The following HPSE2 variants were observed in gnomAD, a reference collection of about 807,000 sequenced individuals.
HPSE2 encodes heparanase 2 (inactive).
In HPSE2, 38 loss-of-function variants were observed where a neutral mutation model predicts 60.5. That is an observed-to-expected ratio of 0.63 (90% CI 0.48 to 0.82). HPSE2 has a LOEUF of 0.82. Among genes scored for constraint, HPSE2 ranks in the 40% least tolerant of loss-of-function variants. The probability of loss-of-function intolerance (pLI) is 0.00; values close to 1 mark genes in which losing one functional copy is unlikely to be tolerated. For synonymous variants in HPSE2, 295 were observed against 293.2 expected (o/e 1.01, Z -0.06); for missense variants, 713 against 740.4 (o/e 0.96, Z 0.43).
chr10:98,893,025 A>G (rs1278240935), intron 3 of HPSE2, among the ~76,000 whole-genome samples: 2 of 152,036 alleles, frequency 1.3e-5, no homozygotes, highest in Admixed American at 1.3e-4. Flanking sequence ...AGGTATCATT[A>G]TCAATTTCAT....
intron 3 of HPSE2, among the ~76,000 whole-genome samples, chr10:98,789,358 G>A (rs1950606511): frequency 6.6e-6 from 1 of 152,198 alleles, no homozygotes; most frequent in Non-Finnish European, 1.5e-5. Context: ...AGTTCCTTGA[G>A]AGGATGAATG....
At chr10:99,267,083 A>G in the HPSE2 span, among the ~76,000 whole-genome samples, 2 of 152,154 alleles carry the variant, frequency 1.3e-5, no homozygotes, top group African/African-American at 4.8e-5. Context: ...TAATATAACA[A>G]AACAAGGTTC....
At chr10:98,701,721 G>T (rs1405198686) in intron 5 of HPSE2, among the ~76,000 whole-genome samples, 1 of 152,026 alleles carries the variant, frequency 6.6e-6, no homozygotes, top group Non-Finnish European at 1.5e-5. Context: ...CTTCATAAAT[G>T]AAGGAGAAAT....
At chr10:98,952,310 TTGTTTGTGTGTGTG>T (rs1352273594) in intron 3 of HPSE2, among the ~76,000 whole-genome samples, 9 of 102,502 alleles carry the variant, frequency 8.8e-5, no homozygotes, top group Non-Finnish European at 1.3e-4. Flanking sequence ...TCAAAAGAAT[TTGTTTGTGTGTGTG>T]TGTGTGTGTG....
intron 3 of HPSE2, among the ~76,000 whole-genome samples, chr10:98,904,069 G>T (rs1461855707): frequency 6.6e-6 from 1 of 152,146 alleles, no homozygotes; most frequent in Non-Finnish European, 1.5e-5. Context: ...GTCTACAAAA[G>T]TATTGTATAA....
At chr10:98,499,987 T>C (rs1019878381) in intron 9 of HPSE2, among the ~76,000 whole-genome samples, 5 of 152,100 alleles carry the variant, frequency 3.3e-5, no homozygotes, top group African/African-American at 1.2e-4. Context: ...CCTAAACATA[T>C]ATGCACCTAA....
intron 3 of HPSE2, among the ~76,000 whole-genome samples, chr10:98,991,240 A>G (rs1192051912): frequency 6.6e-6 from 1 of 152,226 alleles, no homozygotes; most frequent in Non-Finnish European, 1.5e-5. Flanking sequence ...TGTGAAGAGA[A>G]ATAAAGGAGT....
At chr10:99,241,806 C>T in the HPSE2 span, among the ~76,000 whole-genome samples, 1 of 152,244 alleles carries the variant, frequency 6.6e-6, no homozygotes, top group Non-Finnish European at 1.5e-5. Flanking sequence ...CTTTCTTATT[C>T]ATTCTTATTT....
At chr10:98,529,456 T>C (rs1211027930) in intron 9 of HPSE2, among the ~76,000 whole-genome samples, 1 of 152,164 alleles carries the variant, frequency 6.6e-6, no homozygotes, top group Non-Finnish European at 1.5e-5. Context: ...TCTTCTCCAT[T>C]TTTGTACTCA....
At chr10:98,524,376 A>G (rs1942895231) in intron 9 of HPSE2, among the ~76,000 whole-genome samples, 1 of 152,182 alleles carries the variant, frequency 6.6e-6, no homozygotes, top group Non-Finnish European at 1.5e-5. Flanking sequence ...TGCGTGCAAG[A>G]TAAGTATGTG....
chr10:98,544,787 CAAG>C (rs1943608018), intron 9 of HPSE2, among the ~76,000 whole-genome samples: 1 of 147,950 alleles, frequency 6.8e-6, no homozygotes, highest in Admixed American at 6.8e-5. Flanking sequence ...TAGCAGAACG[CAAG>C]AAATAACTAA....
intron 6 of HPSE2, 111 bp from the exon 7 acceptor site, chr10:98,642,051 C>T (rs1202219342): frequency 1.3e-4 from 116 of 879,444 alleles, no homozygotes; most frequent in Non-Finnish European, 1.3e-4. Context: ...GGGTTCCACT[C>T]GGGCTCTCAT....
chr10:98,482,524 T>TC (rs765205456), intron 11 of HPSE2, 112 bp downstream of exon 11: 228 of 1,330,672 alleles, frequency 1.7e-4, no homozygotes, highest in Admixed American at 2.3e-4. Flanking sequence ...TTTGTCCTAC[T>TC]CCATCCCACT....
chr10:98,574,033 C>G (rs940478110), intron 9 of HPSE2, among the ~76,000 whole-genome samples: 3 of 152,148 alleles, frequency 2.0e-5, no homozygotes, highest in African/African-American at 7.2e-5. Context: ...TCCCTCAGCT[C>G]TCATCCCCCA....
At chr10:99,278,490 A>G in the HPSE2 span, among the ~76,000 whole-genome samples, 1 of 152,176 alleles carries the variant, frequency 6.6e-6, no homozygotes, top group Admixed American at 6.5e-5. Flanking sequence ...ATTTCTATAC[A>G]GGAATGGCTG....
chr10:98,716,285 T>G (rs2134234098), intron 5 of HPSE2, among the ~76,000 whole-genome samples: 1 of 152,052 alleles, frequency 6.6e-6, no homozygotes, highest in African/African-American at 2.4e-5. Flanking sequence ...TCCCTCAAAG[T>G]CATCCACAAG....
chr10:99,154,033 G>A (rs969688646), intron 2 of HPSE2, among the ~76,000 whole-genome samples: 29 of 152,084 alleles, frequency 1.9e-4, no homozygotes, highest in African/African-American at 6.5e-4. Flanking sequence ...GAAATGAAGC[G>A]AGAAGGGAAG....
At chr10:98,987,343 C>G (rs1298744149) in intron 3 of HPSE2, among the ~76,000 whole-genome samples, 1 of 151,416 alleles carries the variant, frequency 6.6e-6, no homozygotes, top group South Asian at 2.1e-4. Context: ...TGGTTCAACA[C>G]AAGCAAATCA....
intron 3 of HPSE2, among the ~76,000 whole-genome samples, chr10:99,041,284 C>T (rs1185554117): frequency 6.6e-6 from 1 of 151,966 alleles, no homozygotes; most frequent in Admixed American, 6.6e-5. Context: ...CATTGAGATT[C>T]ATAAAGGATG....
Sources: allele counts gnomAD v4.1 joint callset (sites outside exome capture counted in the v4.1 genomes callset), GRCh38; gene constraint gnomAD v4.1.1; transcripts MANE v1.5; gene names NCBI Gene and HGNC (gene_info 2026-07-23, HGNC 2026-07-21).